Variants in ANKS1B observed in about 807,000 individuals in gnomAD.
ANKS1B encodes the protein ankyrin repeat and sterile alpha motif domain-containing protein 1B.
In ANKS1B, 36 loss-of-function variants were observed where a neutral mutation model predicts 148.3. The observed-to-expected ratio is 0.24, with a 90% confidence interval of 0.19 to 0.32. The LOEUF is 0.32. Ranked by LOEUF, ANKS1B falls within the 10% of genes least tolerant of loss-of-function variation. The pLI is 1.00. For missense variants in ANKS1B, 1,157 were observed against 1,542.6 expected, an observed-to-expected ratio of 0.75 and a Z score of 4.19; for synonymous variants, 542 against 560.8, an observed-to-expected ratio of 0.97 and a Z score of 0.47.
chr12:98,750,978 AG>A (rs1462689654), intron 26 of ANKS1B, among the ~76,000 whole-genome samples: 1 of 152,222 alleles, frequency 6.6e-6, no homozygotes, highest in Admixed American at 6.5e-5. Flanking sequence ...TCTGGAGGCC[AG>A]GGGCTTGTAG....
intron 1 of ANKS1B, among the ~76,000 whole-genome samples, chr12:99,856,477 C>A (rs1176048333): frequency 6.6e-6 from 1 of 151,796 alleles, no homozygotes; most frequent in Non-Finnish European, 1.5e-5. Context: ...GGTACCAATA[C>A]TACTGACATT....
chr12:98,770,467 A>G (rs2098551246), intron 25 of ANKS1B, among the ~76,000 whole-genome samples: 1 of 152,234 alleles, frequency 6.6e-6, no homozygotes, highest in Non-Finnish European at 1.5e-5. Flanking sequence ...CCTGAATGAA[A>G]TGGCTTTAAT....
chr12:99,266,095 A>C (rs1022661775), intron 12 of ANKS1B, among the ~76,000 whole-genome samples: 4 of 152,206 alleles, frequency 2.6e-5, no homozygotes. Flanking sequence ...TGCTTTTCCA[A>C]GAAATCTTCC....
chr12:99,315,937 T>A (rs1202132211), intron 12 of ANKS1B, among the ~76,000 whole-genome samples: 1 of 152,200 alleles, frequency 6.6e-6, no homozygotes, highest in Non-Finnish European at 1.5e-5. Flanking sequence ...TTTCTGTCCT[T>A]GCAATACTTT....
intron 11 of ANKS1B, among the ~76,000 whole-genome samples, chr12:99,409,623 T>C (rs1511967): frequency 0.048 from 7,328 of 151,930 alleles, 631 homozygotes; most frequent in African/African-American, 0.17. Flanking sequence ...ACTCTACAAA[T>C]ATATATACCT....
intron 17 of ANKS1B, among the ~76,000 whole-genome samples, chr12:98,975,655 T>TTG (rs2099893961): frequency 6.6e-6 from 1 of 152,120 alleles, no homozygotes; most frequent in Admixed American, 6.6e-5. Context: ...TTGGTTTTTT[T>TTG]TTGTTGTTTT....
intron 17 of ANKS1B, among the ~76,000 whole-genome samples, chr12:98,904,427 A>C (rs1476651907): frequency 6.6e-6 from 1 of 152,250 alleles, no homozygotes; most frequent in Non-Finnish European, 1.5e-5. Context: ...TAGCTCTACA[A>C]ATTTCTTTAA....
intron 17 of ANKS1B, among the ~76,000 whole-genome samples, chr12:98,846,237 A>C (rs1049899353): frequency 1.3e-5 from 2 of 152,220 alleles, no homozygotes; most frequent in Non-Finnish European, 2.9e-5. Context: ...CTTTTAAATA[A>C]AGGAATTCTT....
intron 17 of ANKS1B, among the ~76,000 whole-genome samples, chr12:98,868,930 C>T (rs939148488): frequency 6.6e-6 from 1 of 152,162 alleles, no homozygotes; most frequent in Admixed American, 6.5e-5. Context: ...TCTATCTCCT[C>T]AAGAGTCCTT....
chr12:99,878,811 A>T, intron 1 of ANKS1B, among the ~76,000 whole-genome samples: 1 of 151,836 alleles, frequency 6.6e-6, no homozygotes, highest in Non-Finnish European at 1.5e-5. Context: ...TTACTCTCTT[A>T]TTCTTCCTTT....
intron 12 of ANKS1B, among the ~76,000 whole-genome samples, chr12:99,395,374 C>G (rs772290948): frequency 6.6e-6 from 1 of 152,168 alleles, no homozygotes. Context: ...ATCCCTCACC[C>G]TCTCTTCTTA....
intron 12 of ANKS1B, among the ~76,000 whole-genome samples, chr12:99,378,389 C>T (rs2093479488): frequency 6.6e-6 from 1 of 152,044 alleles, no homozygotes; most frequent in Non-Finnish European, 1.5e-5. Flanking sequence ...GGCATGGTGG[C>T]TCATGCCTGT....
chr12:98,938,962 C>G (rs933535895), intron 17 of ANKS1B, among the ~76,000 whole-genome samples: 5 of 152,200 alleles, frequency 3.3e-5, no homozygotes, highest in African/African-American at 1.2e-4. Context: ...AGATAACATA[C>G]AGGATAACAA....
At chr12:99,654,713 A>G (rs2098441545) in intron 9 of ANKS1B, among the ~76,000 whole-genome samples, 1 of 152,150 alleles carries the variant, frequency 6.6e-6, no homozygotes, top group African/African-American at 2.4e-5. Flanking sequence ...TTAAACAGCC[A>G]TAATATGTTT....
chr12:99,715,890 C>T (rs1456014137), intron 8 of ANKS1B, among the ~76,000 whole-genome samples: 3 of 152,178 alleles, frequency 2.0e-5, no homozygotes, highest in Non-Finnish European at 4.4e-5. Context: ...AAAGAAGACA[C>T]ATTTTATCCG....
rs552465135 is a variant in ANKS1B, at chr12:99,615,204, C to CAGAT, written c.1272+39859_1272+39862dup. Among the ~76,000 whole-genome samples, 62 of 151,908 alleles carry CAGAT rather than the reference C, an allele frequency of 4.1e-4. 10 individuals are homozygous for CAGAT. Among genetic ancestry groups the CAGAT allele is most frequent in the East Asian group, 3.1e-3 (16 of 5,162 alleles). ...ACAGACAGACAGACAGACAGACAGACAGATACACACACATAAACTCATGCA... is the reference window on the plus strand; with the variant it reads ...ACAGACAGACAGACAGACAGACAGACAGATAGATACACACACATAAACTCATGCA... On this transcript the variant is annotated intron_variant, in intron 9 of 26. Transcript: ENST00000683438.
rs188129511 is a variant in ANKS1B at position 99,143,421 on chromosome 12, C to T, written c.2526+10868G>A. 9.9e-5 allele frequency among the ~76,000 whole-genome samples: 15 copies of T among 152,236 alleles called. No individual in the cohort carries two copies. In the East Asian group the frequency reaches 2.7e-3, roughly 27 times the overall value. On this transcript the variant is annotated intron_variant, in intron 15 of 26. Transcript: ENST00000683438. ...CAATGCCTGCGATGCGCTTGATTCA[C>T]ACAGACTAGCCTAGGTTGTCTGAAA...
At chr12:99,680,150 G>A (rs1383719673) in intron 8 of ANKS1B, among the ~76,000 whole-genome samples, 1 of 152,118 alleles carries the variant, frequency 6.6e-6, no homozygotes, top group Non-Finnish European at 1.5e-5. Context: ...TACAAAAGTA[G>A]AAGAAGCAGG....
chr12:98,766,014 G>C (rs2098476100), intron 25 of ANKS1B, among the ~76,000 whole-genome samples: 1 of 152,146 alleles, frequency 6.6e-6, no homozygotes, highest in African/African-American at 2.4e-5. Flanking sequence ...AGAAGTGGGG[G>C]GTGCAACAAA....
Sources: allele counts gnomAD v4.1 joint callset (sites outside exome capture counted in the v4.1 genomes callset), GRCh38; gene constraint gnomAD v4.1.1; transcripts MANE v1.5; gene names NCBI Gene and HGNC (gene_info 2026-07-23, HGNC 2026-07-21).